The following AK5 variants were observed in gnomAD, a reference collection of about 807,000 sequenced individuals.
AK5 encodes adenylate kinase isoenzyme 5.
In AK5, 27 loss-of-function variants were observed where a neutral mutation model predicts 69.5. That is an observed-to-expected ratio of 0.39 (90% CI 0.29 to 0.54). The LOEUF is 0.54. AK5 is among the 20% of genes least tolerant of loss of function. The pLI is 0.71. For missense variants in AK5, 531 were observed against 700.4 expected, an observed-to-expected ratio of 0.76 and a Z score of 2.73; for synonymous variants, 260 against 244.4, an observed-to-expected ratio of 1.06 and a Z score of -0.60.
chr1:77,403,147 GT>G (rs1169470886), intron 6 of AK5, among the ~76,000 whole-genome samples: 4 of 152,026 alleles, frequency 2.6e-5, no homozygotes, highest in African/African-American at 9.7e-5. Context: ...GGGGTTGTTT[GT>G]TTTTTTCTTG....
intron 5 of AK5, among the ~76,000 whole-genome samples, chr1:77,339,714 C>A (rs1216344722): frequency 6.8e-6 from 1 of 147,924 alleles, no homozygotes; most frequent in East Asian, 2.0e-4. Context: ...GGCACAATCT[C>A]AGCTCACTGC....
At chr1:77,487,674 G>T (rs1655687732) in intron 10 of AK5, among the ~76,000 whole-genome samples, 1 of 152,242 alleles carries the variant, frequency 6.6e-6, no homozygotes, top group Non-Finnish European at 1.5e-5. Flanking sequence ...GCCCAGAGAA[G>T]TTAAGGGGTC....
rs1289449226 is a variant in AK5 at position 77,411,016 on chromosome 1, T to C, written c.927T>C (p.Tyr309=). ...ACCGCGATGAGGATGAGGTGTTCTA[T>C]GACATCAGCATGGCAGTTGACAACA... The part of the protein sequence containing the change: ...DADRDEDEVF[Y]DISMAVDNKL... The change falls in exon 7 of 14, where the codon TAT becomes TAC. Residue 309 remains tyrosine, a synonymous_variant. Transcript: ENST00000354567. The C allele has an allele frequency of 6.2e-7, 1 of 1,613,964 alleles. No individual in the cohort carries two copies. Among genetic ancestry groups the C allele is most frequent in the Admixed American group, 1.7e-5 (1 of 59,988 alleles).
intron 10 of AK5, among the ~76,000 whole-genome samples, chr1:77,513,155 C>A (rs1657445873): frequency 6.6e-6 from 1 of 152,214 alleles, no homozygotes; most frequent in South Asian, 2.1e-4. Context: ...ATGCAGAGCC[C>A]TTTCATGCTC....
At chr1:77,402,444 C>G (rs12132133) in intron 6 of AK5, among the ~76,000 whole-genome samples, 1 of 128,334 alleles carries the variant, frequency 7.8e-6, no homozygotes, top group Admixed American at 7.9e-5. Context: ...ATCCCTCCCC[C>G]CTCCCCCCAC....
intron 1 of AK5, chr1:77,282,607 TC>T (rs2100631456): frequency 7.7e-7 from 1 of 1,300,904 alleles, no homozygotes; most frequent in East Asian, 3.3e-5. Flanking sequence ...GTTTCAGTCT[TC>T]CAGCAGGGTT....
chr1:77,477,226 C>T (rs1424604986), intron 8 of AK5, among the ~76,000 whole-genome samples: 1 of 152,196 alleles, frequency 6.6e-6, no homozygotes, highest in Non-Finnish European at 1.5e-5. Flanking sequence ...CAGGGTCTCA[C>T]TATGTTGCCC....
intron 8 of AK5, among the ~76,000 whole-genome samples, chr1:77,435,329 A>C (rs934374813): frequency 2.6e-5 from 4 of 152,198 alleles, no homozygotes; most frequent in African/African-American, 9.6e-5. Flanking sequence ...TAGCACTTTT[A>C]ATTTGAAACT....
At chr1:77,298,137 C>T (rs893564661) in intron 5 of AK5, 190 bp downstream of exon 5, 1 of 451,082 alleles carries the variant, frequency 2.2e-6, no homozygotes, top group Admixed American at 3.9e-5. Flanking sequence ...AAGACAGTCT[C>T]TGCCAAAAGG....
At chr1:77,341,393 C>T (rs1661646333) in intron 6 of AK5, among the ~76,000 whole-genome samples, 1 of 152,198 alleles carries the variant, frequency 6.6e-6, no homozygotes, top group Non-Finnish European at 1.5e-5. Flanking sequence ...GGTGGCAGAC[C>T]TTGGCAGAAT....
intron 8 of AK5, among the ~76,000 whole-genome samples, chr1:77,434,124 ATAAATAAATAAATAAAT>A (rs1329470366): frequency 6.7e-6 from 1 of 149,206 alleles, no homozygotes; most frequent in Non-Finnish European, 1.5e-5. Context: ...AAATAAATAA[ATAAATAAATAAATAAAT>A]AAATAAATAA....
At chr1:77,421,259 A>T (rs1650794129) in intron 8 of AK5, among the ~76,000 whole-genome samples, 1 of 152,108 alleles carries the variant, frequency 6.6e-6, no homozygotes, top group African/African-American at 2.4e-5. Flanking sequence ...CTATATTATT[A>T]TTATCCCAAT....
chr1:77,546,017 C>A (rs551456502), intron 13 of AK5, among the ~76,000 whole-genome samples: 1 of 152,154 alleles, frequency 6.6e-6, no homozygotes, highest in Non-Finnish European at 1.5e-5. Flanking sequence ...TCTCTCCACC[C>A]CCTTTCCTTC....
intron 8 of AK5, among the ~76,000 whole-genome samples, chr1:77,454,551 C>T (rs1336831333): frequency 6.6e-6 from 1 of 152,154 alleles, no homozygotes; most frequent in East Asian, 1.9e-4. Flanking sequence ...TATTTAAATT[C>T]TGTAGACCAG....
intron 7 of AK5, among the ~76,000 whole-genome samples, chr1:77,416,441 T>C (rs1284888720): frequency 6.6e-6 from 1 of 152,210 alleles, no homozygotes. Flanking sequence ...TTTTCCAAAA[T>C]GGTTTGATGG....
At chr1:77,549,879 T>G (rs1016399279) in intron 13 of AK5, among the ~76,000 whole-genome samples, 3 of 144,644 alleles carry the variant, frequency 2.1e-5, no homozygotes, top group African/African-American at 7.4e-5. Flanking sequence ...GGCTGGAGTA[T>G]AGTGGCACAA....
intron 5 of AK5, among the ~76,000 whole-genome samples, chr1:77,336,119 G>A (rs1661348272): frequency 8.0e-6 from 1 of 124,364 alleles, no homozygotes; most frequent in Non-Finnish European, 1.6e-5. Flanking sequence ...GTCTCACTCT[G>A]TTGCCAGGCT....
At chr1:77,483,180 A>C in intron 8 of AK5, 137 bp from the exon 9 acceptor site, 1 of 663,968 alleles carries the variant, frequency 1.5e-6, no homozygotes, top group Non-Finnish European at 2.7e-6. Context: ...TTGTCTGTAA[A>C]ATATTGTCCC....
At chr1:77,429,869 T>C (rs1498400) in intron 8 of AK5, among the ~76,000 whole-genome samples, 64,985 of 151,788 alleles carry the variant, frequency 0.43, 15,522 homozygotes, top group Non-Finnish European at 0.54. Flanking sequence ...AAAGAGGAAA[T>C]AGCAGGATGA....
Sources: allele counts gnomAD v4.1 joint callset (sites outside exome capture counted in the v4.1 genomes callset), GRCh38; gene constraint gnomAD v4.1.1; transcripts MANE v1.5; gene names NCBI Gene and HGNC (gene_info 2026-07-23, HGNC 2026-07-21).